Variants in TRAK1 observed in about 807,000 individuals in gnomAD.
The protein encoded by TRAK1 is trafficking kinesin protein 1.
TRAK1 carries 33 observed loss-of-function variants against 92.1 expected under a neutral mutation model. The observed-to-expected ratio is 0.36, with a 90% confidence interval of 0.27 to 0.48. The LOEUF is 0.48. TRAK1 is among the 20% of genes least tolerant of loss of function. TRAK1 has a pLI of 0.99. For missense variants in TRAK1, 1,123 were observed against 1,257.9 expected (o/e 0.89, Z 1.62); for synonymous variants, 521 against 517.3 (o/e 1.01, Z -0.10).
intron 2 of TRAK1, 75 bp from the exon 3 acceptor site, chr3:42,176,739 C>T (rs556824354): frequency 3.6e-6 from 5 of 1,384,282 alleles, no homozygotes; most frequent in South Asian, 1.2e-5. Flanking sequence ...ACATTAGGGG[C>T]ACTTTTTTAG....
At chr3:42,211,064 A>G in intron 14 of TRAK1, 1 of 985,466 alleles carries the variant, frequency 1.0e-6, no homozygotes, top group Non-Finnish European at 1.2e-6. Flanking sequence ...AGACTGAGAA[A>G]AAATGAATTA....
chr3:42,047,839 A>T (rs917670708), intron 1 of TRAK1, among the ~76,000 whole-genome samples: 3 of 151,656 alleles, frequency 2.0e-5, no homozygotes, highest in Admixed American at 2.0e-4. Flanking sequence ...CGTCTGCCTG[A>T]CTTTATTTTT....
chr3:42,029,507 G>T (rs1702039279), intron 1 of TRAK1, among the ~76,000 whole-genome samples: 1 of 151,254 alleles, frequency 6.6e-6, no homozygotes, highest in Admixed American at 6.6e-5. Flanking sequence ...TTCCCTAAGT[G>T]CTGGGATTAC....
At chr3:42,143,742 A>C (rs530999973) in intron 2 of TRAK1, among the ~76,000 whole-genome samples, 1 of 152,138 alleles carries the variant, frequency 6.6e-6, no homozygotes, top group Admixed American at 6.5e-5. Context: ...TTTCGGCTGC[A>C]GTAAACCTGG....
Position 42,156,813 on chromosome 3 carries a change from T to C in TRAK1, c.287-20001T>C, listed in dbSNP as rs534017332. Among the ~76,000 whole-genome samples, 4 of 152,200 alleles carry C rather than the reference T, an allele frequency of 2.6e-5. No homozygotes were observed. In the East Asian group the frequency reaches 7.7e-4, roughly 29 times the overall value. On this transcript the variant is annotated intron_variant, in intron 2 of 15. Transcript: ENST00000327628. ...ATAGCTTCACAGTGAGGAAACCAAA[T>C]GATCAAAGTAAACATTGGGCTTTAA...
chr3:42,024,152 C>G (rs1030136789), intron 1 of TRAK1, among the ~76,000 whole-genome samples: 2 of 152,060 alleles, frequency 1.3e-5, no homozygotes, highest in African/African-American at 4.8e-5. Context: ...GTTTGGGGAC[C>G]ATTCCTGTGT....
rs991398904 is a variant in TRAK1 at position 42,045,113 on chromosome 3, G to A, written c.-519+30996G>A. On this transcript the variant is annotated intron_variant, in intron 1 of 16. Transcript: ENST00000487159. ...TAGTGCATTACTTCTCTACAAACATGTATTTTTTGTTTGTTTGTTTTAACT... is the reference window on the plus strand; with the variant it reads ...TAGTGCATTACTTCTCTACAAACATATATTTTTTGTTTGTTTGTTTTAACT... Among the ~76,000 whole-genome samples the A allele has an allele frequency of 7.2e-5, 11 of 152,192 alleles. No homozygotes were observed. The South Asian group carries it at 2.3e-3, about 32-fold the overall frequency.
At chr3:42,018,087 CAAAAAAA>C (rs397989329) in intron 1 of TRAK1, among the ~76,000 whole-genome samples, 1 of 114,302 alleles carries the variant, frequency 8.7e-6, no homozygotes, top group African/African-American at 3.5e-5. Context: ...CTCATTGTTA[CAAAAAAA>C]AAAAAAAAAA....
chr3:42,054,790 A>G (rs2148918088), intron 1 of TRAK1, among the ~76,000 whole-genome samples: 1 of 152,214 alleles, frequency 6.6e-6, no homozygotes, highest in African/African-American at 2.4e-5. Flanking sequence ...TCCATTTTAC[A>G]AACTAACCAT....
At chr3:42,061,153 G>A (rs1703422285) in intron 1 of TRAK1, among the ~76,000 whole-genome samples, 1 of 152,152 alleles carries the variant, frequency 6.6e-6, no homozygotes, top group Non-Finnish European at 1.5e-5. Context: ...GTTACAAAAA[G>A]TGTGCAGAGT....
At chr3:42,211,049 G>C (rs1035734719) in intron 14 of TRAK1, 3 of 985,152 alleles carry the variant, frequency 3.0e-6, no homozygotes, top group East Asian at 1.1e-4. Context: ...GTGGAGTCAG[G>C]GGGGAGACTG....
rs1553608726 is a variant in TRAK1, at chr3:42,201,036, CAG to C, written c.1412_1413del (p.Glu471GlyfsTer8). 6.2e-7 allele frequency: 1 copy of C among 1,614,204 alleles called. No individual in the cohort carries two copies. The highest frequency in any genetic ancestry group is 8.5e-7 in the Non-Finnish European group (1 of 1,180,032). On this transcript the variant is annotated frameshift_variant, in exon 12 of 16. Transcript: ENST00000327628. LOFTEE classifies it high-confidence loss of function. ...AAGACCAACAGCATCATTCTGGAAA[CAG>C]AGGCAGCCGACCTGGGGTGAGCAAG...
At chr3:42,085,010 G>C (rs1488617020), upstream of TRAK1, among the ~76,000 whole-genome samples, 1 of 152,056 alleles carries the variant, frequency 6.6e-6, no homozygotes, top group Non-Finnish European at 1.5e-5. Flanking sequence ...TATACAGGCT[G>C]AGTATGTCTA....
intron 1 of TRAK1, among the ~76,000 whole-genome samples, chr3:42,112,176 CT>C (rs2149078214): frequency 8.5e-6 from 1 of 117,442 alleles, no homozygotes; most frequent in East Asian, 2.6e-4. Context: ...TAGTCTTACT[CT>C]GTCGCCCAGG....
intron 1 of TRAK1, among the ~76,000 whole-genome samples, chr3:42,096,922 A>G (rs1296974279): frequency 6.6e-6 from 1 of 152,222 alleles, no homozygotes; most frequent in Non-Finnish European, 1.5e-5. Context: ...AGTTTAAAGA[A>G]TACACTTTGA....
intron 1 of TRAK1, among the ~76,000 whole-genome samples, chr3:42,054,904 ATTTT>A (rs1157067369): frequency 3.2e-4 from 12 of 37,094 alleles, no homozygotes; most frequent in Non-Finnish European, 5.1e-4. Flanking sequence ...AGCAAACTAG[ATTTT>A]TTTTTTTTTT....
intron 2 of TRAK1, among the ~76,000 whole-genome samples, chr3:42,148,003 C>CA (rs1331945847): frequency 6.8e-6 from 1 of 147,880 alleles, no homozygotes. Flanking sequence ...CACACAGAAG[C>CA]AGACATACAC....
At chr3:42,063,216 C>A (rs767211383) in intron 1 of TRAK1, among the ~76,000 whole-genome samples, 1 of 152,250 alleles carries the variant, frequency 6.6e-6, no homozygotes, top group Non-Finnish European at 1.5e-5. Context: ...GGAATTGCAA[C>A]GGAGACTGTA....
chr3:42,107,155 C>G (rs963598527), intron 1 of TRAK1, among the ~76,000 whole-genome samples: 1 of 152,114 alleles, frequency 6.6e-6, no homozygotes, highest in Non-Finnish European at 1.5e-5. Flanking sequence ...ACCTTGAAAG[C>G]CTTACAGAGT....
Sources: gnomAD v4.1 joint callset for allele counts (sites outside exome capture counted in the v4.1 genomes callset) on GRCh38, gnomAD v4.1.1 for gene constraint, MANE v1.5 for transcripts, NCBI Gene and HGNC (gene_info 2026-07-23, HGNC 2026-07-21) for gene names.